The following KATNIP variants were observed in gnomAD, a reference collection of about 807,000 sequenced individuals.
KATNIP encodes katanin-interacting protein.
KATNIP carries 126 observed loss-of-function variants against 174.0 expected under a neutral mutation model. The ratio of observed to expected loss-of-function variants is 0.72; its 90% CI spans 0.63 to 0.84. The LOEUF is 0.84. KATNIP is among the 40% of genes least tolerant of loss of function. The pLI is 0.00. For synonymous variants in KATNIP, 810 were observed against 835.7 expected (o/e 0.97, Z 0.53); for missense variants, 1,958 against 2,109.7 (o/e 0.93, Z 1.41).
chr16:27,778,091 C>A lies in KATNIP; in HGVS notation c.4801+122C>A, dbSNP rs116965970. ...CTGCCCCTAGACCGCTCTCCTCTGC[C>A]CAGGAGCCTGCCCAAAGGCCTAGGG... On this transcript the variant is annotated intron_variant, in intron 27 of 27. Transcript: ENST00000261588. 47 of 818,334 alleles carry A rather than the reference C, an allele frequency of 5.7e-5. No homozygotes were observed. In the East Asian group the frequency reaches 1.2e-3, roughly 21 times the overall value. The allele number at this position is 818,334 out of a possible 1,614,324, so 50.7% of individuals were successfully genotyped here.
chr16:27,776,905 T>A lies in KATNIP; in HGVS notation c.4450-23T>A. ...CCTCTGTTTCCAAACATGCCTGTTT[T>A]AATTAGTGCCGCTCTCTGACAGGTG... On this transcript the variant is annotated intron_variant, in intron 24 of 27. Coordinates refer to ENST00000261588, the MANE Select transcript of KATNIP (RefSeq NM_015202.5). This position sits in a 1 kb window ranked among gnomAD's most constrained non-coding sequence, Gnocchi z 4.7. 1.3e-6 allele frequency: 2 copies of A among 1,547,298 alleles called. No homozygotes were observed.
At chr16:27,567,633 C>T (rs1396134348) in intron 1 of KATNIP, among the ~76,000 whole-genome samples, 1 of 152,242 alleles carries the variant, frequency 6.6e-6, no homozygotes, top group Admixed American at 6.5e-5. Context: ...AAGTGATTCT[C>T]CCACCTCAGC....
chr16:27,751,992 G>C (rs2081540267), intron 17 of KATNIP, 68 bp downstream of exon 17: 1 of 1,295,236 alleles, frequency 7.7e-7, no homozygotes, highest in Non-Finnish European at 1.0e-6. Flanking sequence ...TCAGAGTAGA[G>C]CAGGGAGAAT....
chr16:27,631,727 G>T (rs142732164), intron 5 of KATNIP, among the ~76,000 whole-genome samples: 6 of 152,126 alleles, frequency 3.9e-5, no homozygotes, highest in Non-Finnish European at 8.8e-5. Context: ...GTCCCATCAT[G>T]ATGACTCATT....
intron 1 of KATNIP, among the ~76,000 whole-genome samples, chr16:27,569,569 C>T (rs1291869876): frequency 6.6e-6 from 1 of 152,218 alleles, no homozygotes; most frequent in Non-Finnish European, 1.5e-5. Context: ...TTTCCACTTC[C>T]TTCTTTGAGT....
chr16:27,773,587 T>G (rs1173575178), intron 23 of KATNIP, among the ~76,000 whole-genome samples: 1 of 152,168 alleles, frequency 6.6e-6, no homozygotes, highest in Non-Finnish European at 1.5e-5. Flanking sequence ...ATTTCTTAAG[T>G]ATGGAACCCT....
At chr16:27,707,514 A>G (rs1447302264) in intron 12 of KATNIP, among the ~76,000 whole-genome samples, 1 of 152,246 alleles carries the variant, frequency 6.6e-6, no homozygotes, top group Admixed American at 6.5e-5. Flanking sequence ...TATCTTGTTT[A>G]ACATCTGTGA....
chr16:27,734,223 T>G (rs1301947763), intron 14 of KATNIP, among the ~76,000 whole-genome samples: 1 of 151,710 alleles, frequency 6.6e-6, no homozygotes. Flanking sequence ...GCTGAGATTA[T>G]AGGTGCCTGC....
intron 2 of KATNIP, among the ~76,000 whole-genome samples, chr16:27,592,912 G>A (rs933416289): frequency 2.0e-5 from 3 of 152,094 alleles, no homozygotes; most frequent in Admixed American, 1.3e-4. Context: ...TACTCAGGAC[G>A]TGGTTAAAAA....
intron 20 of KATNIP, among the ~76,000 whole-genome samples, chr16:27,768,172 C>T (rs1307911515): frequency 6.6e-6 from 1 of 152,176 alleles, no homozygotes; most frequent in Non-Finnish European, 1.5e-5. Flanking sequence ...TCCCACACCC[C>T]AAAAGGCCTT....
chr16:27,660,010 G>A (rs1413923699), intron 6 of KATNIP: 1 of 984,404 alleles, frequency 1.0e-6, no homozygotes, highest in East Asian at 1.1e-4. Context: ...TACGCCTCCT[G>A]AGGATGTCGG....
At chr16:27,746,435 G>C (rs1026920569) in intron 15 of KATNIP, among the ~76,000 whole-genome samples, 4 of 152,228 alleles carry the variant, frequency 2.6e-5, no homozygotes, top group Non-Finnish European at 4.4e-5. Context: ...TTTTTAAATG[G>C]CAGATGAGAA....
chr16:27,594,127 G>T (rs898283650), intron 2 of KATNIP, among the ~76,000 whole-genome samples: 3 of 152,020 alleles, frequency 2.0e-5, no homozygotes, highest in Admixed American at 1.3e-4. Flanking sequence ...GGGCGTGGTG[G>T]TGTGTGCCTG....
intron 6 of KATNIP, among the ~76,000 whole-genome samples, chr16:27,667,025 TA>T (rs767272674): frequency 2.0e-5 from 3 of 152,028 alleles, no homozygotes; most frequent in Admixed American, 6.6e-5. Context: ...GTATATTCAA[TA>T]AAAAATATTT....
At chr16:27,770,100 C>T (rs2082249179) in intron 21 of KATNIP, 82 bp downstream of exon 21, 96 of 1,469,476 alleles carry the variant, frequency 6.5e-5, no homozygotes, top group Non-Finnish European at 8.9e-5. Context: ...ATGTACATTC[C>T]GAAAGGGTTT....
chr16:27,557,948 C>A (rs2141564868), intron 1 of KATNIP, among the ~76,000 whole-genome samples: 1 of 152,236 alleles, frequency 6.6e-6, no homozygotes, highest in East Asian at 1.9e-4. Context: ...ACAATTGTCC[C>A]ACCACCCGAG....
At chr16:27,600,922 AG>A (rs1167949529) in intron 2 of KATNIP, among the ~76,000 whole-genome samples, 2 of 151,974 alleles carry the variant, frequency 1.3e-5, no homozygotes, top group East Asian at 1.9e-4. Context: ...TAGTAGAGAC[AG>A]GGTTTCACCA....
intron 2 of KATNIP, among the ~76,000 whole-genome samples, chr16:27,609,344 A>T (rs1165928064): frequency 7.4e-6 from 1 of 134,460 alleles, no homozygotes; most frequent in Non-Finnish European, 1.6e-5. Flanking sequence ...TGGTCAGGGG[A>T]GACGTCACTG....
chr16:27,662,049 C>CATATATATATATATACACATACATATAT lies in KATNIP; in HGVS notation c.540+13329_540+13330insCACATACATATATATATATATATATATA, dbSNP rs1555467469. Among the ~76,000 whole-genome samples, 6 of 8,638 alleles carry CATATATATATATATACACATACATATAT rather than the reference C, an allele frequency of 6.9e-4. 2 individuals are homozygous for CATATATATATATATACACATACATATAT. The highest frequency in any genetic ancestry group is 3.4e-3 in the Admixed American group (2 of 596). 5.7% of individuals were successfully genotyped at this position (8,638 alleles called of 152,430 possible). A position where few individuals can be genotyped will look rare whatever the true frequency, so the allele number is the denominator to read the frequency against. The stretch of plus-strand genomic sequence containing the variant: ...ATATATATATATATATATACACATA[C>CATATATATATATATACACATACATATAT]ATATATATATATATATATATATACA... On this transcript the variant is annotated intron_variant, in intron 6 of 27. Coordinates refer to ENST00000261588, the MANE Select transcript of KATNIP (RefSeq NM_015202.5).
Sources: gnomAD v4.1 joint callset for allele counts (sites outside exome capture counted in the v4.1 genomes callset) on GRCh38, gnomAD v4.1.1 for gene constraint, Gnocchi (gnomAD v3.1) non-coding constraint, MANE v1.5 for transcripts, NCBI Gene and HGNC (gene_info 2026-07-23, HGNC 2026-07-21) for gene names.